CELF4: variants seen among roughly 807,000 people sequenced by gnomAD.
CELF4 encodes the protein CUG-BP- and ETR-3-like factor 4.
CELF4 carries 18 observed loss-of-function variants against 59.9 expected under a neutral mutation model. The ratio of observed to expected loss-of-function variants is 0.30; its 90% confidence interval spans 0.21 to 0.45. The LOEUF (loss-of-function observed/expected upper bound fraction) is 0.45. Ranked by LOEUF, CELF4 falls within the 20% of genes least tolerant of loss-of-function variation. The pLI, the probability that CELF4 is intolerant of heterozygous loss-of-function variation, is 1.00. For synonymous variants in CELF4, 261 were observed against 267.1 expected (o/e 0.98, Z 0.22); for missense variants, 456 against 689.0 (o/e 0.66, Z 3.79).
At chr18:37,374,942 C>T (rs1345504407) in intron 2 of CELF4, among the ~76,000 whole-genome samples, 1 of 152,182 alleles carries the variant, frequency 6.6e-6, no homozygotes, top group Non-Finnish European at 1.5e-5. Context: ...GGCACTCTTG[C>T]AGTTGGAGCA....
chr18:37,506,090 C>G (rs976104193), intron 1 of CELF4, among the ~76,000 whole-genome samples: 1 of 151,844 alleles, frequency 6.6e-6, no homozygotes, highest in African/African-American at 2.4e-5. Context: ...ACGCCGCCCC[C>G]CTGTTCTTTT....
chr18:37,444,464 T>C (rs1440439389), intron 2 of CELF4, among the ~76,000 whole-genome samples: 1 of 152,120 alleles, frequency 6.6e-6, no homozygotes, highest in Non-Finnish European at 1.5e-5. Context: ...ACTCCATTTA[T>C]GGTGAGGTCA....
chr18:37,353,233 A>AAAATAT (rs71168258), intron 2 of CELF4, among the ~76,000 whole-genome samples: 99 of 106,966 alleles, frequency 9.3e-4, no homozygotes, highest in African/African-American at 1.3e-3. Context: ...AAAAAAAAAA[A>AAAATAT]ATATATATAT....
Position 37,424,959 on chromosome 18 carries a change from C to G in CELF4, c.369+60566G>C, listed in dbSNP as rs868865216. On this transcript the variant is annotated intron_variant, in intron 2 of 12. Transcript: ENST00000420428. ...ATCTGACCCTCAACCTGCACCTGTT[C>G]CACTCTCGCCCCACCCGCACAGTGC... Among the ~76,000 whole-genome samples, 45 of 152,302 alleles carry G rather than the reference C, an allele frequency of 3.0e-4. 1 individual carries two copies. Among genetic ancestry groups the G allele is most frequent in the African/African-American group, 9.4e-4 (39 of 41,570 alleles).
Position 37,243,921 on chromosome 18 carries a change from C to G in CELF4, c.*1321G>C, listed in dbSNP as rs1199904696. On this transcript the variant is annotated 3_prime_UTR_variant, in exon 13 of 13. Coordinates refer to ENST00000420428, the MANE Select transcript of CELF4 (RefSeq NM_020180.4). ...GAGGCGAGGATGACGGCGGCGGCGG[C>G]GGCGGCGACCCGGGCGACGCGACCG... 1 of 186,646 alleles carries G rather than the reference C, an allele frequency of 5.4e-6. No individual in the cohort carries two copies. Among genetic ancestry groups the G allele is most frequent in the Non-Finnish European group, 1.1e-5 (1 of 89,524 alleles). The allele number at this position is 186,646 out of a possible 1,614,324, so 11.6% of individuals were successfully genotyped here.
chr18:37,505,131 G>A (rs1033414799), intron 1 of CELF4, among the ~76,000 whole-genome samples: 1 of 151,674 alleles, frequency 6.6e-6, no homozygotes, highest in Non-Finnish European at 1.5e-5. Flanking sequence ...GAGAAGCAGG[G>A]GCAGGGGGCA....
chr18:37,266,618 C>A lies in CELF4; in HGVS notation c.1100-20G>T. ...TCTGTGCTGTAGGGAGCCAAGGGGA[C>A]AGAGGTCAGCAGTGCCCACCACACT... On this transcript the variant is annotated intron_variant, in intron 8 of 12. Coordinates refer to ENST00000420428, the MANE Select transcript of CELF4 (RefSeq NM_020180.4). 1 of 1,565,092 alleles carries A rather than the reference C, an allele frequency of 6.4e-7. No homozygotes were observed. The highest frequency in any genetic ancestry group is 1.2e-5 in the South Asian group (1 of 85,160).
intron 2 of CELF4, among the ~76,000 whole-genome samples, chr18:37,477,001 A>G (rs553151703): frequency 6.6e-6 from 1 of 152,340 alleles, no homozygotes; most frequent in Non-Finnish European, 1.5e-5. Context: ...AGGGTGAGCT[A>G]GGCTGAAGAC....
chr18:37,415,255 G>T (rs939214301), intron 2 of CELF4, among the ~76,000 whole-genome samples: 8 of 152,238 alleles, frequency 5.3e-5, no homozygotes, highest in Non-Finnish European at 1.0e-4. Flanking sequence ...CACATGGAAG[G>T]CATGTTTAGA....
chr18:37,314,996 A>G (rs758561287), intron 3 of CELF4, among the ~76,000 whole-genome samples: 12 of 151,952 alleles, frequency 7.9e-5, no homozygotes, highest in Non-Finnish European at 1.5e-4. Flanking sequence ...TCTCTATGCA[A>G]TCGGGCCCGA....
At chr18:37,508,201 C>A (rs867434560) in intron 1 of CELF4, among the ~76,000 whole-genome samples, 1 of 152,192 alleles carries the variant, frequency 6.6e-6, no homozygotes, top group Non-Finnish European at 1.5e-5. Flanking sequence ...TTGATCACCG[C>A]ATCTCTAAGG....
intron 2 of CELF4, among the ~76,000 whole-genome samples, chr18:37,449,998 A>G (rs530695244): frequency 1.6e-4 from 24 of 152,236 alleles, no homozygotes; most frequent in African/African-American, 4.1e-4. Flanking sequence ...AGAAAACCCA[A>G]CTTCAGGAGT....
At chr18:37,486,900 A>G (rs2099882416) in intron 1 of CELF4, among the ~76,000 whole-genome samples, 2 of 152,194 alleles carry the variant, frequency 1.3e-5, no homozygotes, top group Non-Finnish European at 2.9e-5. Flanking sequence ...TCTTTCAAGA[A>G]TCTGATCAAG....
rs368029503 is a variant in CELF4 at position 37,565,636 on chromosome 18, A to G, written c.6T>C (p.Tyr2=). 15 of 1,580,726 alleles carry G rather than the reference A, an allele frequency of 9.5e-6. No individual in the cohort carries two copies. Among genetic ancestry groups the G allele is most frequent in the African/African-American group, 1.4e-5 (1 of 73,394 alleles). Residue 2 remains tyrosine, a synonymous_variant, in exon 1 of 13, where the codon TAT becomes TAC. Coordinates refer to ENST00000420428, the MANE Select transcript of CELF4 (RefSeq NM_020180.4). ...CGTTTGCTAACGTGGCCATCTTTAT[A>G]TACATAGAGAAAATCTTCTTTCCTT... M[Y]IKMATLANGQ...
chr18:37,547,386 A>T (rs1262472982), intron 1 of CELF4, among the ~76,000 whole-genome samples: 1 of 151,918 alleles, frequency 6.6e-6, no homozygotes, highest in African/African-American at 2.4e-5. Flanking sequence ...CTGTAGACCT[A>T]CCCTGCTCCT....
intron 2 of CELF4, among the ~76,000 whole-genome samples, chr18:37,357,164 C>A (rs1214409742): frequency 6.6e-6 from 1 of 152,192 alleles, no homozygotes; most frequent in Non-Finnish European, 1.5e-5. Context: ...CCCAGAGGAG[C>A]TGAGGTTTGA....
At chr18:37,438,253 GTGAAGAGTGGGT>G (rs1330195713) in intron 2 of CELF4, among the ~76,000 whole-genome samples, 2 of 152,212 alleles carry the variant, frequency 1.3e-5, no homozygotes, top group African/African-American at 4.8e-5. Flanking sequence ...TTGACTGTCA[GTGAAGAGTGGGT>G]TGGTTCCAGA....
At chr18:37,268,009 C>T (rs2078527863) in intron 8 of CELF4, among the ~76,000 whole-genome samples, 1 of 152,076 alleles carries the variant, frequency 6.6e-6, no homozygotes. Flanking sequence ...TGCACTCCAG[C>T]CTGGGCAACA....
At chr18:37,332,232 C>G (rs2097569110) in intron 2 of CELF4, among the ~76,000 whole-genome samples, 2 of 152,106 alleles carry the variant, frequency 1.3e-5, no homozygotes, top group Admixed American at 1.3e-4. Flanking sequence ...TAGAATGACC[C>G]CTCACTCCAG....
Sources: allele counts gnomAD v4.1 joint callset (sites outside exome capture counted in the v4.1 genomes callset), GRCh38; gene constraint gnomAD v4.1.1; transcripts MANE v1.5; gene names NCBI Gene and HGNC (gene_info 2026-07-23, HGNC 2026-07-21).